The following PRICKLE1 variants were observed in gnomAD, a reference collection of about 807,000 sequenced individuals.
PRICKLE1 encodes the protein prickle-like protein 1.
PRICKLE1 carries 14 observed loss-of-function variants against 70.2 expected under a neutral mutation model. The observed-to-expected ratio is 0.20, with a 90% CI of 0.13 to 0.31. The LOEUF (loss-of-function observed/expected upper bound fraction) is 0.31. Among genes scored for constraint, PRICKLE1 ranks in the 10% least tolerant of loss-of-function variants. The pLI, the probability that PRICKLE1 is intolerant of heterozygous loss-of-function variation, is 1.00. For synonymous variants in PRICKLE1, 357 were observed against 379.9 expected (o/e 0.94, Z 0.70); for missense variants, 821 against 1,026.2 (o/e 0.80, Z 2.73).
At chr12:42,548,536 C>T (rs565384725) in intron 1 of PRICKLE1, among the ~76,000 whole-genome samples, 17 of 152,296 alleles carry the variant, frequency 1.1e-4, no homozygotes, top group Admixed American at 1.0e-3. Flanking sequence ...ACTGGAATAA[C>T]TAACTTCACA....
intron 1 of PRICKLE1, among the ~76,000 whole-genome samples, chr12:42,535,714 T>C (rs1940006798): frequency 6.6e-6 from 1 of 152,044 alleles, no homozygotes; most frequent in African/African-American, 2.4e-5. Flanking sequence ...AGCCCAATAG[T>C]TTGAGGCTGC....
At chr12:42,480,868 T>C (rs1263967476) in intron 1 of PRICKLE1, among the ~76,000 whole-genome samples, 3 of 152,082 alleles carry the variant, frequency 2.0e-5, no homozygotes, top group African/African-American at 7.2e-5. Context: ...CTACAGGCAA[T>C]GGGAAGCTGC....
intron 1 of PRICKLE1, among the ~76,000 whole-genome samples, chr12:42,574,181 A>T (rs925801618): frequency 6.6e-6 from 1 of 152,226 alleles, no homozygotes; most frequent in Non-Finnish European, 1.5e-5. Flanking sequence ...TCAGACACAC[A>T]TATACTAAAA....
intron 1 of PRICKLE1, among the ~76,000 whole-genome samples, chr12:42,580,192 C>A (rs933329726): frequency 6.6e-6 from 1 of 151,986 alleles, no homozygotes; most frequent in South Asian, 2.1e-4. Context: ...CATTTAAAAA[C>A]CTTTACAGTG....
chr12:42,549,161 C>T (rs1940265671), intron 1 of PRICKLE1, among the ~76,000 whole-genome samples: 1 of 150,524 alleles, frequency 6.6e-6, no homozygotes. Context: ...TAAAGATCAC[C>T]TCTCTCCATA....
intron 1 of PRICKLE1, among the ~76,000 whole-genome samples, chr12:42,586,220 A>C (rs1947666190): frequency 6.6e-6 from 1 of 152,180 alleles, no homozygotes; most frequent in South Asian, 2.1e-4. Flanking sequence ...AGATTTAGGC[A>C]ATCTTAATAT....
At chr12:42,552,147 A>G (rs886432868) in intron 1 of PRICKLE1, among the ~76,000 whole-genome samples, 2 of 150,104 alleles carry the variant, frequency 1.3e-5, no homozygotes, top group African/African-American at 4.9e-5. Flanking sequence ...GCTCACTACA[A>G]CCTCTGCCTC....
intron 1 of PRICKLE1, among the ~76,000 whole-genome samples, chr12:42,500,729 T>C (rs1450609355): frequency 6.6e-6 from 1 of 152,000 alleles, no homozygotes; most frequent in African/African-American, 2.4e-5. Context: ...GAATTAATAT[T>C]CTTTCTAGCA....
intron 1 of PRICKLE1, among the ~76,000 whole-genome samples, chr12:42,546,185 T>G (rs541609647): frequency 6.6e-6 from 1 of 152,150 alleles, no homozygotes; most frequent in Non-Finnish European, 1.5e-5. Flanking sequence ...GTATAAGTTA[T>G]GAATACTCTG....
intron 1 of PRICKLE1, among the ~76,000 whole-genome samples, chr12:42,506,522 G>T (rs1593144406): frequency 7.1e-6 from 1 of 140,944 alleles, no homozygotes; most frequent in African/African-American, 2.6e-5. Flanking sequence ...CTCCCAAAGT[G>T]TTGGGATTAC....
chr12:42,500,745 T>A (rs1179299799), intron 1 of PRICKLE1, among the ~76,000 whole-genome samples: 1 of 151,916 alleles, frequency 6.6e-6, no homozygotes, highest in Non-Finnish European at 1.5e-5. Context: ...TAGCAGCATA[T>A]CTGGGCAATT....
chr12:42,529,550 C>T (rs1939871266), intron 1 of PRICKLE1, among the ~76,000 whole-genome samples: 1 of 152,266 alleles, frequency 6.6e-6, no homozygotes, highest in Non-Finnish European at 1.5e-5. Context: ...GACAATCCTG[C>T]TTACAGTTTT....
rs201116185 is a variant in PRICKLE1 at position 42,559,624 on chromosome 12, A to ATTTT, written c.-49+29837_-49+29840dup. Among the ~76,000 whole-genome samples the ATTTT allele has an allele frequency of 1.6e-4, 13 of 81,578 alleles. 2 individuals are homozygous for ATTTT. Among genetic ancestry groups the ATTTT allele is most frequent in the East Asian group, 1.2e-3 (3 of 2,454 alleles). The allele number at this position is 81,578 out of a possible 152,430, so 53.5% of individuals were successfully genotyped here. The stretch of plus-strand genomic sequence containing the variant: ...TGTGTGTGTATATATATATATATAT[A>ATTTT]TTTTTTTTTTTTGGGGGGGGTAGAG... On this transcript the variant is annotated intron_variant, in intron 1 of 7. Transcript: ENST00000345127.
chr12:42,506,833 AGTGTTGGGATTACAG>A (rs1460399397), intron 1 of PRICKLE1, among the ~76,000 whole-genome samples: 1 of 151,868 alleles, frequency 6.6e-6, no homozygotes. Flanking sequence ...GACCTCCTAA[AGTGTTGGGATTACAG>A]GTGTGAGCCA....
At position 42,468,607 on chromosome 12, in the gene PRICKLE1, A is replaced by G. The variant is rs1938191053; in HGVS notation, c.588+19T>C. 6.2e-7 allele frequency: 1 copy of G among 1,611,348 alleles called. No homozygotes were observed. ...CTAAGCTTATTTTTCCCAGTGTGAAAGGATGAACTTTTTTTTACCTCGTCA... is the reference window on the plus strand; with the variant it reads ...CTAAGCTTATTTTTCCCAGTGTGAAGGGATGAACTTTTTTTTACCTCGTCA... On this transcript the variant is annotated intron_variant, in intron 5 of 7. Transcript: ENST00000345127.
At chr12:42,521,549 A>G (rs1356780098) in intron 1 of PRICKLE1, among the ~76,000 whole-genome samples, 2 of 152,020 alleles carry the variant, frequency 1.3e-5, no homozygotes, top group Non-Finnish European at 2.9e-5. Flanking sequence ...AAATTACAAA[A>G]ATTAGCCTGG....
intron 1 of PRICKLE1, among the ~76,000 whole-genome samples, chr12:42,477,498 A>G (rs1419754753): frequency 0.27 from 7,430 of 27,046 alleles, 368 homozygotes; most frequent in Non-Finnish European, 0.29. Context: ...ATATATATAT[A>G]TATATATATA....
Position 42,475,797 on chromosome 12 carries a change from C to G in PRICKLE1, c.-48-3233G>C, listed in dbSNP as rs139121122. Among the ~76,000 whole-genome samples the G allele has an allele frequency of 2.5e-3, 386 of 151,762 alleles. 17 individuals carry two copies. The East Asian group carries it at 0.059, about 23-fold the overall frequency. ...TTCTCAGAGCTCATCAAAACACAAA[C>G]ATTAAAAAAATGTTGGCTGGGTGCA... is the stretch of plus-strand genomic sequence containing the variant. On this transcript the variant is annotated intron_variant, in intron 1 of 7. Transcript: ENST00000345127.
chr12:42,466,498 A>G (rs374989935), intron 5 of PRICKLE1, 118 bp from the exon 6 acceptor site: 1 of 825,804 alleles, frequency 1.2e-6, no homozygotes. Context: ...AAAAAATCAG[A>G]TAGCTAACCT....
Sources: allele counts gnomAD v4.1 joint callset (sites outside exome capture counted in the v4.1 genomes callset), GRCh38; gene constraint gnomAD v4.1.1; transcripts MANE v1.5; gene names NCBI Gene and HGNC (gene_info 2026-07-23, HGNC 2026-07-21).